NUS1: variants seen among roughly 807,000 people sequenced by gnomAD.
The protein encoded by NUS1 is dehydrodolichyl diphosphate synthase complex subunit NUS1.
For synonymous variants in NUS1, 135 were observed against 155.2 expected (o/e 0.87, Z 0.97); for missense variants, 292 against 382.9 (o/e 0.76, Z 1.98).
chr6:117,690,633 G>A (rs544387093), intron 1 of NUS1, among the ~76,000 whole-genome samples: 12 of 151,844 alleles, frequency 7.9e-5, no homozygotes, highest in Non-Finnish European at 1.0e-4. Context: ...TTCTATCATC[G>A]GCTGTCTAAA....
Position 117,675,699 on chromosome 6 carries a change from G to T in NUS1, c.29G>T (p.Arg10Leu). 6.6e-7 allele frequency: 1 copy of T among 1,512,172 alleles called. No individual in the cohort carries two copies. Among genetic ancestry groups the T allele is most frequent in the South Asian group, 1.2e-5 (1 of 81,542 alleles). The allele number at this position is 1,512,172 out of a possible 1,614,324, so 93.7% of individuals were successfully genotyped here. A position where few individuals can be genotyped will look rare whatever the true frequency, so the allele number is the denominator to read the frequency against. ...ACGGGGCTGTACGAGCTGGTGTGGCGGGTGCTGCACGCGCTGCTCTGTCTG... is the reference window on the plus strand; with the variant it reads ...ACGGGGCTGTACGAGCTGGTGTGGCTGGTGCTGCACGCGCTGCTCTGTCTG... MTGLYELVW[R>L]VLHALLCLHR... Residue 10 changes from arginine to leucine, a missense_variant, in exon 1 of 5, where the codon CGG (arginine) becomes CTG (leucine). Transcript: ENST00000368494.
At chr6:117,682,721 T>C (rs1435576152) in intron 1 of NUS1, among the ~76,000 whole-genome samples, 1 of 152,242 alleles carries the variant, frequency 6.6e-6, no homozygotes, top group Non-Finnish European at 1.5e-5. Flanking sequence ...TAAACTGAGA[T>C]TTAAAAAGCC....
In NUS1 at chr6:117,707,485, C is replaced by G. The variant is rs950439391; in HGVS notation, c.*470C>G. The G allele has an allele frequency of 1.4e-5, 2 of 143,694 alleles. No homozygotes were observed. The highest frequency in any genetic ancestry group is 5.7e-5 in the African/African-American group (2 of 35,276). The allele number at this position is 143,694 out of a possible 1,614,324, so 8.9% of individuals were successfully genotyped here. A position where few individuals can be genotyped will look rare whatever the true frequency, so the allele number is the denominator to read the frequency against. The stretch of plus-strand genomic sequence containing the variant: ...AATATATTGACTTACTGAACTGAAG[C>G]ATTCTGAGTTGAAAGGAGCTCCAGA... On this transcript the variant is annotated 3_prime_UTR_variant, in exon 5 of 5. Coordinates refer to ENST00000368494, the MANE Select transcript of NUS1 (RefSeq NM_138459.5).
chr6:117,689,339 G>T (rs138827035), intron 1 of NUS1, among the ~76,000 whole-genome samples: 23 of 152,294 alleles, frequency 1.5e-4, no homozygotes, highest in Middle Eastern at 3.4e-3. Context: ...GAACAAACTG[G>T]TGAGAACTGA....
Position 117,708,834 on chromosome 6 carries a change from A to C in NUS1, c.*1819A>C, listed in dbSNP as rs947951631. The C allele has an allele frequency of 6.6e-6, 1 of 152,112 alleles. No homozygotes were observed. Among genetic ancestry groups the C allele is most frequent in the Non-Finnish European group, 1.5e-5 (1 of 67,942 alleles). The allele number at this position is 152,112 out of a possible 1,614,324, so 9.4% of individuals were successfully genotyped here. A position where few individuals can be genotyped will look rare whatever the true frequency, so the allele number is the denominator to read the frequency against. On this transcript the variant is annotated 3_prime_UTR_variant, in exon 5 of 5. Transcript: ENST00000368494. ...CTTATAAACATTCTGGAGTATGTATAGCTTTAATGAATGAAATTTAATGGA... is the reference window on the plus strand; with the variant it reads ...CTTATAAACATTCTGGAGTATGTATCGCTTTAATGAATGAAATTTAATGGA...
intron 1 of NUS1, 68 bp downstream of exon 1, chr6:117,676,153 G>T: frequency 6.5e-7 from 1 of 1,545,138 alleles, no homozygotes; most frequent in Non-Finnish European, 8.7e-7. Flanking sequence ...GGTCTGGCGG[G>T]TGGTGCCCAT....
chr6:117,675,770 A>C lies in NUS1; in HGVS notation c.100A>C (p.Asn34His), dbSNP rs934670535. 10 of 1,558,762 alleles carry C rather than the reference A, an allele frequency of 6.4e-6. No individual in the cohort carries two copies. The highest frequency in any genetic ancestry group is 8.7e-6 in the Non-Finnish European group (10 of 1,155,896). Residue 34 changes from asparagine to histidine, a missense_variant, in exon 1 of 5, where the codon AAC (asparagine) becomes CAC (histidine). Physicochemically the swap from Asn to His is moderately conservative, Grantham distance 68. Coordinates refer to ENST00000368494, the MANE Select transcript of NUS1 (RefSeq NM_138459.5). Reference protein sequence around the residue: ...SWLRVRFGTWNWIWRRCCRAA... With the variant: ...SWLRVRFGTWHWIWRRCCRAA... Reference sequence around the variant, plus strand: ...GCTCCGCGTTCGGTTCGGCACCTGGAACTGGATCTGGCGGCGCTGCTGCCG... The same window carrying C: ...GCTCCGCGTTCGGTTCGGCACCTGGCACTGGATCTGGCGGCGCTGCTGCCG...
At chr6:117,688,322 A>G (rs1773168499) in intron 1 of NUS1, among the ~76,000 whole-genome samples, 1 of 152,312 alleles carries the variant, frequency 6.6e-6, no homozygotes, top group South Asian at 2.1e-4. Flanking sequence ...CATTGCTGTA[A>G]AAGAGTATAT....
Position 117,675,551 on chromosome 6 carries a change from G to C in NUS1, c.-120G>C. ...AGGTGTTGGCAGTGGAAAGGGGTTCGGGCTCGGGGGGCGGGGGGACGCGGA... is the reference window on the plus strand; with the variant it reads ...AGGTGTTGGCAGTGGAAAGGGGTTCCGGCTCGGGGGGCGGGGGGACGCGGA... On this transcript the variant is annotated 5_prime_UTR_variant, in exon 1 of 5. Transcript: ENST00000368494. 1 of 1,062,676 alleles carries C rather than the reference G, an allele frequency of 9.4e-7. No homozygotes were observed. Among genetic ancestry groups the C allele is most frequent in the Non-Finnish European group, 1.3e-6 (1 of 741,768 alleles). The allele number at this position is 1,062,676 out of a possible 1,614,324, so 65.8% of individuals were successfully genotyped here. A position where few individuals can be genotyped will look rare whatever the true frequency, so the allele number is the denominator to read the frequency against.
At chr6:117,693,893 T>G in intron 2 of NUS1, 138 bp from the exon 3 acceptor site, 2 of 811,896 alleles carry the variant, frequency 2.5e-6, no homozygotes, top group Non-Finnish European at 1.9e-6. Context: ...GATATTGAAA[T>G]TGAAGGGCTT....
intron 1 of NUS1, among the ~76,000 whole-genome samples, chr6:117,676,317 G>A (rs1372549751): frequency 6.6e-6 from 1 of 152,198 alleles, no homozygotes; most frequent in East Asian, 1.9e-4. Flanking sequence ...GGTGGCTCAT[G>A]CCTGTAATCC....
chr6:117,676,815 G>T (rs1246049307), intron 1 of NUS1, among the ~76,000 whole-genome samples: 1 of 152,198 alleles, frequency 6.6e-6, no homozygotes, highest in Non-Finnish European at 1.5e-5. Flanking sequence ...TTCTTTAAGA[G>T]AGCTTCCAGG....
intron 1 of NUS1, among the ~76,000 whole-genome samples, chr6:117,681,905 T>C (rs979394297): frequency 1.8e-4 from 27 of 152,344 alleles, no homozygotes; most frequent in African/African-American, 6.5e-4. Context: ...CGATCTCGGC[T>C]CACTGCGACC....
chr6:117,678,677 GTTTTTTTTTTTTT>G (rs34349121), intron 1 of NUS1, among the ~76,000 whole-genome samples: 1 of 100,314 alleles, frequency 1.0e-5, no homozygotes, highest in African/African-American at 3.7e-5. Flanking sequence ...TTTTTCAGTG[GTTTTTTTTTTTTT>G]TTTTTTTTGA....
At chr6:117,705,629 G>A (rs1773489691) in intron 4 of NUS1, among the ~76,000 whole-genome samples, 1 of 152,078 alleles carries the variant, frequency 6.6e-6, no homozygotes, top group Non-Finnish European at 1.5e-5. Flanking sequence ...ACAGAGAAGG[G>A]AAGGGTGGGG....
chr6:117,691,186 C>T (rs1773211921), intron 1 of NUS1, among the ~76,000 whole-genome samples: 1 of 151,814 alleles, frequency 6.6e-6, no homozygotes, highest in African/African-American at 2.4e-5. Context: ...ATGCTGTTGC[C>T]AGATTAATTC....
chr6:117,677,119 A>G (rs944702047), intron 1 of NUS1, among the ~76,000 whole-genome samples: 9 of 152,226 alleles, frequency 5.9e-5, no homozygotes, highest in Non-Finnish European at 1.3e-4. Context: ...ACAAAAATTC[A>G]GTACTTATTG....
At position 117,707,888 on chromosome 6, in the gene NUS1, T is replaced by C. The variant is rs186506619; in HGVS notation, c.*873T>C. Reference sequence around the variant, plus strand: ...CTTGATAGTAAAGGTGGAAAACTTATTATAAATGGAAAGAAAGTTTTATTT... The same window carrying C: ...CTTGATAGTAAAGGTGGAAAACTTACTATAAATGGAAAGAAAGTTTTATTT... On this transcript the variant is annotated 3_prime_UTR_variant, in exon 5 of 5. Transcript: ENST00000368494. 35 of 152,492 alleles carry C rather than the reference T, an allele frequency of 2.3e-4. No homozygotes were observed. Among genetic ancestry groups the C allele is most frequent in the Admixed American group, 5.9e-4 (9 of 15,286 alleles). The allele number at this position is 152,492 out of a possible 1,614,324, so 9.4% of individuals were successfully genotyped here. A position where few individuals can be genotyped will look rare whatever the true frequency, so the allele number is the denominator to read the frequency against.
intron 3 of NUS1, among the ~76,000 whole-genome samples, chr6:117,703,200 T>A (rs563474224): frequency 6.6e-6 from 1 of 152,224 alleles, no homozygotes; most frequent in Non-Finnish European, 1.5e-5. Context: ...TCTGAAGTTA[T>A]TCAATTCTGT....
Sources: allele counts gnomAD v4.1 joint callset (sites outside exome capture counted in the v4.1 genomes callset), GRCh38; gene constraint gnomAD v4.1.1; transcripts MANE v1.5; gene names NCBI Gene and HGNC (gene_info 2026-07-23, HGNC 2026-07-21).